EPPK1: variants seen among roughly 807,000 people sequenced by gnomAD.
The protein encoded by EPPK1 is epiplakin.
For missense variants in EPPK1, 3,823 were observed against 3,673.3 expected (o/e 1.04, Z -1.05); for synonymous variants, 1,862 against 1,721.2 (o/e 1.08, Z -2.03).
In EPPK1 at chr8:143,870,636, T is replaced by C. The variant is rs781893906; in HGVS notation, c.2618A>G (p.Gln873Arg). Residue 873 changes from glutamine (Q) to arginine (R), a missense_variant, in exon 2 of 2, where the codon CAG becomes CGG. Coordinates refer to ENST00000615648, the MANE Select transcript of EPPK1 (RefSeq NM_031308.4). This position sits in a 1 kb window ranked among gnomAD's most constrained non-coding sequence, Gnocchi z 5.2. ...GGGCAGCATGATGTCCGCCTGTCTC[T>C]GCGTCTCCGCCTCCAGCAGCTTTGC... ...QVAKLLEAET[Q>R]RQADIMLPAL... 5.0e-6 allele frequency: 8 copies of C among 1,606,422 alleles called. No homozygotes were observed. Among genetic ancestry groups the C allele is most frequent in the Non-Finnish European group, 6.8e-6 (8 of 1,177,404 alleles).
At chr8:143,878,711 G>A (rs556310051), upstream of EPPK1, among the ~76,000 whole-genome samples, 3 of 151,866 alleles carry the variant, frequency 2.0e-5, no homozygotes, top group Non-Finnish European at 4.4e-5. Context: ...GGCGTCCTGT[G>A]CCCTTCAGAA....
At position 143,857,940 on chromosome 8, in the gene EPPK1, G is replaced by T; in HGVS notation, c.*47C>A. On this transcript the variant is annotated 3_prime_UTR_variant, in exon 2 of 2. Coordinates refer to ENST00000615648, the MANE Select transcript of EPPK1 (RefSeq NM_031308.4). ...AAAAACAACCCAGACACACAAGTATGCCTCCACTTCTCCAGAGTTGCAGAA... is the reference window on the plus strand; with the variant it reads ...AAAAACAACCCAGACACACAAGTATTCCTCCACTTCTCCAGAGTTGCAGAA... 6 of 992,178 alleles carry T rather than the reference G, an allele frequency of 6.0e-6. No homozygotes were observed. Among genetic ancestry groups the T allele is most frequent in the Non-Finnish European group, 8.7e-6 (6 of 685,920 alleles). 61.5% of individuals were successfully genotyped at this position (992,178 alleles called of 1,614,324 possible). A position where few individuals can be genotyped will look rare whatever the true frequency, so the allele number is the denominator to read the frequency against.
At chr8:143,875,120 G>C (rs34480757) in intron 1 of EPPK1, among the ~76,000 whole-genome samples, 1 of 152,162 alleles carries the variant, frequency 6.6e-6, no homozygotes, top group Non-Finnish European at 1.5e-5. Context: ...CATGTGCCCA[G>C]CTGCCTCCTG....
At chr8:143,879,138 C>T (rs1373891894), upstream of EPPK1, among the ~76,000 whole-genome samples, 8 of 152,312 alleles carry the variant, frequency 5.3e-5, no homozygotes, top group African/African-American at 1.9e-4. Flanking sequence ...CTCACAGCCT[C>T]GGGGGCTGGC....
At position 143,866,915 on chromosome 8, in the gene EPPK1, T is replaced by G; in HGVS notation, c.6339A>C (p.Gly2113=). The G allele has an allele frequency of 6.2e-7, 1 of 1,613,040 alleles. No homozygotes were observed. The highest frequency in any genetic ancestry group is 1.1e-5 in the South Asian group (1 of 91,086). ...LEAEQVEITV[G]RFRGQKPTLW... is the part of the protein sequence containing the mutation. ...GTGTTGGTTTCTGGCCTCTGAACCT[T>G]CCCACTGTGATTTCCACTTGCTCTG... Residue 2113 remains glycine, a synonymous_variant, in exon 2 of 2, where the codon GGA becomes GGC. Coordinates refer to ENST00000615648, the MANE Select transcript of EPPK1 (RefSeq NM_031308.4).
rs782374797 is a variant in EPPK1 at position 143,866,935 on chromosome 8, G to C, written c.6319C>G (p.Gln2107Glu). 26 of 1,612,810 alleles carry C rather than the reference G, an allele frequency of 1.6e-5. No homozygotes were observed. Among genetic ancestry groups the C allele is most frequent in the Non-Finnish European group, 1.9e-5 (22 of 1,179,880 alleles). ...DETRRALEAE[Q>E]VEITVGRFRG... The stretch of plus-strand genomic sequence containing the variant: ...AACCTTCCCACTGTGATTTCCACTT[G>C]CTCTGCCTCCAGGGCCCTTCTCGTC... Residue 2107 changes from glutamine (Q) to glutamate (E), a missense_variant, in exon 2 of 2, where the codon CAA becomes GAA. Coordinates refer to ENST00000615648, the MANE Select transcript of EPPK1 (RefSeq NM_031308.4).
In EPPK1 at chr8:143,873,247, C is replaced by T; in HGVS notation, c.7G>A (p.Gly3Ser). MS[G>S]HTLPPLPVPG... The stretch of plus-strand genomic sequence containing the variant: ...ACGGGAAGAGGAGGCAAGGTGTGGC[C>T]ACTCATCACACACGGCTGGTTATGC... Residue 3 changes from glycine to serine, a missense_variant, in exon 2 of 2, where the codon GGC (glycine) becomes AGC (serine). By Grantham distance (56) the Gly-to-Ser change is moderately conservative. Transcript: ENST00000615648. The T allele has an allele frequency of 2.6e-6, 4 of 1,556,576 alleles. No individual in the cohort carries two copies. The highest frequency in any genetic ancestry group is 3.5e-6 in the Non-Finnish European group (4 of 1,157,854).
At position 143,867,269 on chromosome 8, in the gene EPPK1, C is replaced by A; in HGVS notation, c.5985G>T (p.Lys1995Asn). The A allele has an allele frequency of 1.9e-6, 3 of 1,612,524 alleles. No individual in the cohort carries two copies. Among genetic ancestry groups the A allele is most frequent in the Non-Finnish European group, 2.5e-6 (3 of 1,179,668 alleles). ...DTIPLFQAMQKQLIEKAEALR... is the reference protein window; with the variant it reads ...DTIPLFQAMQNQLIEKAEALR... ...GTGCCTCCGCCTTCTCGATGAGCTG[C>A]TTCTGCATGGCCTGGAACAGCGGGA... The change falls in exon 2 of 2, where the codon AAG becomes AAT. Residue 1995 changes from lysine (K) to asparagine (N), a missense_variant. Lys to Asn is a moderately conservative substitution (Grantham distance 94). Coordinates refer to ENST00000615648, the MANE Select transcript of EPPK1 (RefSeq NM_031308.4).
Position 143,867,029 on chromosome 8 carries a change from T to C in EPPK1, c.6225A>G (p.Gln2075=). 6.2e-7 allele frequency: 1 copy of C among 1,612,838 alleles called. No homozygotes were observed. The highest frequency in any genetic ancestry group is 8.5e-7 in the Non-Finnish European group (1 of 1,179,856). Reference sequence around the variant, plus strand: ...GGAACAGCAGCCAGCCCGTGTCCTCTTGTGGGCGGCACCTCTCCTGCAGCT... The same window carrying C: ...GGAACAGCAGCCAGCCCGTGTCCTCCTGTGGGCGGCACCTCTCCTGCAGCT... ...YRELQERCRP[Q]EDTGWLLFPV... Residue 2075 remains glutamine (Q), a synonymous_variant, in exon 2 of 2, where the codon CAA becomes CAG. Transcript: ENST00000615648.
In EPPK1 at chr8:143,868,371, G is replaced by A. The variant is rs782603702; in HGVS notation, c.4883C>T (p.Ala1628Val). ...TTTCCCGAACATTCCTGCTTTGAAC[G>A]CCTCCTCCACGGTCAGCTTCCGGTT... The part of the protein sequence containing the change: ...VENRKLTVEE[A>V]FKAGMFGKET... Residue 1628 changes from alanine (A) to valine (V), a missense_variant, in exon 2 of 2, where the codon GCG becomes GTG. By Grantham distance (64) the Ala-to-Val change is moderately conservative (BLOSUM62 0). Coordinates refer to ENST00000615648, the MANE Select transcript of EPPK1 (RefSeq NM_031308.4). 46 of 1,612,756 alleles carry A rather than the reference G, an allele frequency of 2.9e-5. No homozygotes were observed. In the Admixed American group the frequency reaches 4.7e-4, roughly 16 times the overall value.
rs189024404 is a variant in EPPK1, at chr8:143,869,216, G to A, written c.4038C>T (p.Leu1346=). ...GGGGCAAGCCCTCGTTCTGTGGCAC[G>A]AGCCCCTTCTCCATGGCCTGCCACA... ...LSLWQAMEKG[L]VPQNEGLPLL... is the part of the protein sequence containing the mutation. The change falls in exon 2 of 2, where the codon CTC becomes CTT. Residue 1346 remains leucine (L), a synonymous_variant. Transcript: ENST00000615648. 2.5e-3 allele frequency: 4,016 copies of A among 1,610,630 alleles called. 63 individuals are homozygous for A. The African/African-American group carries it at 0.039, about 16-fold the overall frequency.
rs782667154 is a variant in EPPK1 at position 143,868,851 on chromosome 8, G to A, written c.4403C>T (p.Ser1468Leu). ...STGRFKGCSV[S>L]LWDLLLSEYV... ...TTCGGAGAGCAGCAGGTCCCAGAGT[G>A]ACACGCTACACCCCTTAAACCTCCC... Residue 1468 changes from serine (S) to leucine (L), a missense_variant, in exon 2 of 2, where the codon TCA becomes TTA. Physicochemically the swap from Ser to Leu is moderately radical, Grantham distance 145 (BLOSUM62 -2). Transcript: ENST00000615648. 4.4e-6 allele frequency: 7 copies of A among 1,608,604 alleles called. No homozygotes were observed. The highest frequency in any genetic ancestry group is 2.2e-5 in the East Asian group (1 of 44,882).
At position 143,867,593 on chromosome 8, in the gene EPPK1, C is replaced by T. The variant is rs1205904982; in HGVS notation, c.5661G>A (p.Glu1887=). 13 of 1,613,132 alleles carry T rather than the reference C, an allele frequency of 8.1e-6. No individual in the cohort carries two copies. In the Admixed American group the frequency reaches 1.3e-4, roughly 17 times the overall value. The change falls in exon 2 of 2, where the codon GAG becomes GAA. Residue 1887 remains glutamate (E), a synonymous_variant. Coordinates refer to ENST00000615648, the MANE Select transcript of EPPK1 (RefSeq NM_031308.4). ...TGCCTTCCAGATAGGGCTTCACACA[C>T]TCCAGCGTGCTGAGTGCCTGTCCCC... ...RTGGQALSTL[E]CVKPYLEGSG... is the part of the protein sequence containing the mutation.
rs782108797 is a variant in EPPK1 at position 143,870,070 on chromosome 8, C to G, written c.3184G>C (p.Val1062Leu). 6.2e-7 allele frequency: 1 copy of G among 1,610,640 alleles called. No homozygotes were observed. The highest frequency in any genetic ancestry group is 8.5e-7 in the Non-Finnish European group (1 of 1,178,898). Residue 1062 changes from valine to leucine, a missense_variant, in exon 2 of 2, where the codon GTG becomes CTG. Coordinates refer to ENST00000615648, the MANE Select transcript of EPPK1 (RefSeq NM_031308.4). The surrounding 1 kb of genome is among the most constrained non-coding windows in gnomAD (Gnocchi z 5.2). The stretch of plus-strand genomic sequence containing the variant: ...TCAACATAGCCACGCTGAATGGCCA[C>G]TGGCATGGGGAGGTGGTGGTGGCTG... ...PTSHHHLPMP[V>L]AIQRGYVDQE...
chr8:143,875,237 A>C (rs1554662199), intron 1 of EPPK1, among the ~76,000 whole-genome samples: 1 of 152,120 alleles, frequency 6.6e-6, no homozygotes, highest in Non-Finnish European at 1.5e-5. Flanking sequence ...TGGTCTCACG[A>C]AGGGCATGCT....
intron 1 of EPPK1, among the ~76,000 whole-genome samples, chr8:143,874,010 C>T (rs1298539316): frequency 2.6e-5 from 4 of 152,226 alleles, no homozygotes; most frequent in African/African-American, 7.2e-5. Context: ...CTGCGAGCAC[C>T]ACGGCCTCTG....
rs782677438 is a variant in EPPK1 at position 143,866,762 on chromosome 8, C to T, written c.6492G>A (p.Lys2164=). The change falls in exon 2 of 2, where the codon AAG becomes AAA. Residue 2164 remains lysine (K), a synonymous_variant. Coordinates refer to ENST00000615648, the MANE Select transcript of EPPK1 (RefSeq NM_031308.4). The part of the protein sequence containing the change: ...VAQLILELIE[K]QETSNKHLWF... ...ACAGGTGTTTGTTGCTGGTTTCCTG[C>T]TTCTCGATCAACTCTAAGATGAGCT... 3.1e-6 allele frequency: 5 copies of T among 1,613,406 alleles called. No homozygotes were observed. The highest frequency in any genetic ancestry group is 1.1e-5 in the South Asian group (1 of 91,090).
At chr8:143,874,369 T>C (rs1053893760) in intron 1 of EPPK1, among the ~76,000 whole-genome samples, 1 of 152,238 alleles carries the variant, frequency 6.6e-6, no homozygotes, top group Admixed American at 6.5e-5. Context: ...TATTTGGAAA[T>C]AGGATCTTTG....
intron 1 of EPPK1, 43 bp downstream of exon 1, chr8:143,878,395 C>CCGCACCCG (rs1554662602): frequency 3.6e-4 from 30 of 82,900 alleles, no homozygotes; most frequent in African/African-American, 1.3e-3. Flanking sequence ...GCCGCACCTG[C>CCGCACCCG]CCGCACCCGC....
Sources: allele counts gnomAD v4.1 joint callset (sites outside exome capture counted in the v4.1 genomes callset), GRCh38; gene constraint gnomAD v4.1.1; non-coding constraint Gnocchi (gnomAD v3.1); transcripts MANE v1.5; gene names NCBI Gene and HGNC (gene_info 2026-07-23, HGNC 2026-07-21).